Variants in ZNF521 observed in about 807,000 individuals in gnomAD.
The protein encoded by ZNF521 is LYST-interacting protein 3.
Under a neutral mutation model 105.5 loss-of-function variants are expected in ZNF521, and 14 were observed. That is an observed-to-expected ratio of 0.13 (90% CI 0.09 to 0.21). The LOEUF is 0.21. ZNF521 is among the 10% of genes least tolerant of loss of function. The pLI is 1.00. For missense variants in ZNF521, 1,233 were observed against 1,629.7 expected, an observed-to-expected ratio of 0.76 and a Z score of 4.19; for synonymous variants, 635 against 606.0, an observed-to-expected ratio of 1.05 and a Z score of -0.70.
chr18:25,105,974 C>T (rs934662221), intron 5 of ZNF521, among the ~76,000 whole-genome samples: 1 of 151,642 alleles, frequency 6.6e-6, no homozygotes, highest in African/African-American at 2.4e-5. Flanking sequence ...ATTTTAGGGC[C>T]CTTTTAAGGT....
intron 2 of ZNF521, among the ~76,000 whole-genome samples, chr18:25,336,660 T>C (rs941455991): frequency 1.3e-5 from 2 of 152,210 alleles, no homozygotes; most frequent in African/African-American, 4.8e-5. Context: ...TGAAGGTACC[T>C]GTCGTGGCAG....
chr18:25,266,124 A>T (rs1909234092), intron 3 of ZNF521, among the ~76,000 whole-genome samples: 1 of 152,210 alleles, frequency 6.6e-6, no homozygotes, highest in African/African-American at 2.4e-5. Flanking sequence ...AGTATTTGAT[A>T]GCATAACAGG....
intron 3 of ZNF521, among the ~76,000 whole-genome samples, chr18:25,293,828 G>A (rs560130370): frequency 6.6e-6 from 1 of 152,044 alleles, no homozygotes; most frequent in Non-Finnish European, 1.5e-5. Flanking sequence ...TTTTATGACT[G>A]TTTCATAATT....
At chr18:25,105,873 C>T (rs138923445) in intron 5 of ZNF521, among the ~76,000 whole-genome samples, 20 of 152,132 alleles carry the variant, frequency 1.3e-4, no homozygotes, top group Non-Finnish European at 1.8e-4. Flanking sequence ...GTGTTGATAA[C>T]GTATGTTTAG....
intron 3 of ZNF521, among the ~76,000 whole-genome samples, chr18:25,305,022 AAT>A (rs1219323702): frequency 1.3e-5 from 2 of 152,164 alleles, no homozygotes; most frequent in African/African-American, 4.8e-5. Flanking sequence ...TATGTTCTTT[AAT>A]ATGTTTGATG....
intron 2 of ZNF521, among the ~76,000 whole-genome samples, chr18:25,343,883 ATTTG>A (rs1257572231): frequency 5.3e-5 from 8 of 152,164 alleles, no homozygotes; most frequent in Non-Finnish European, 1.2e-4. Flanking sequence ...TGGAATCTAA[ATTTG>A]TTTAATGACC....
At chr18:25,111,153 A>G (rs989731249) in intron 5 of ZNF521, among the ~76,000 whole-genome samples, 1 of 151,968 alleles carries the variant, frequency 6.6e-6, no homozygotes, top group African/African-American at 2.4e-5. Context: ...CTTCCTCCCT[A>G]GGCAGTCTAC....
At chr18:25,254,228 TC>T (rs1330505338) in intron 3 of ZNF521, among the ~76,000 whole-genome samples, 1 of 152,070 alleles carries the variant, frequency 6.6e-6, no homozygotes, top group Non-Finnish European at 1.5e-5. Flanking sequence ...GCAATAAAAA[TC>T]AATGAAGCAA....
intron 3 of ZNF521, among the ~76,000 whole-genome samples, chr18:25,228,611 A>C (rs1280737971): frequency 6.6e-6 from 1 of 152,234 alleles, no homozygotes; most frequent in Non-Finnish European, 1.5e-5. Flanking sequence ...GCAGAGACAA[A>C]GCAACTTGTG....
In ZNF521 at chr18:25,304,624, T is replaced by C. The variant is rs1452321708; in HGVS notation, c.220+17384A>G. Among the ~76,000 whole-genome samples the C allele has an allele frequency of 2.6e-5, 4 of 152,132 alleles. No individual in the cohort carries two copies. In the East Asian group the frequency reaches 7.7e-4, roughly 29 times the overall value. On this transcript the variant is annotated intron_variant, in intron 3 of 7. Transcript: ENST00000361524. ...CGGGGTCTTTTTACCCATCTGCAAT[T>C]TTCTACCCTGAACGCCTGCCTATCC...
At chr18:25,350,778 C>G (rs1486305500) in intron 2 of ZNF521, 129 bp downstream of exon 2, 7 of 927,144 alleles carry the variant, frequency 7.6e-6, no homozygotes, top group East Asian at 6.9e-5. Flanking sequence ...GGGAGGGGAG[C>G]GCGCGCGCCC....
At chr18:25,200,267 A>ACTGT (rs2035970312) in intron 4 of ZNF521, among the ~76,000 whole-genome samples, 1 of 152,170 alleles carries the variant, frequency 6.6e-6, no homozygotes, top group Non-Finnish European at 1.5e-5. Context: ...GAGCGAAGGA[A>ACTGT]CTGTCGGTAG....
chr18:25,164,148 C>CA (rs2035297272), intron 5 of ZNF521, among the ~76,000 whole-genome samples: 1 of 152,294 alleles, frequency 6.6e-6, no homozygotes, highest in East Asian at 1.9e-4. Flanking sequence ...GTATCCCCCC[C>CA]ACTTCCCTGC....
intron 3 of ZNF521, among the ~76,000 whole-genome samples, chr18:25,254,952 C>T (rs1908377432): frequency 6.6e-6 from 1 of 152,024 alleles, no homozygotes; most frequent in African/African-American, 2.4e-5. Context: ...TGAGTTAAGC[C>T]AGAAGTACAA....
At chr18:25,089,248 G>T (rs1236235456) in intron 7 of ZNF521, among the ~76,000 whole-genome samples, 4 of 152,176 alleles carry the variant, frequency 2.6e-5, no homozygotes, top group African/African-American at 4.8e-5. Context: ...TCCAATTATA[G>T]GTCTGTTCTA....
At chr18:25,087,923 T>A (rs1390230757) in intron 7 of ZNF521, among the ~76,000 whole-genome samples, 2 of 152,232 alleles carry the variant, frequency 1.3e-5, no homozygotes, top group Non-Finnish European at 2.9e-5. Context: ...ACTTTTAGAA[T>A]GATAACTGAG....
At chr18:25,326,062 A>AATTTC (rs1913198444) in intron 2 of ZNF521, among the ~76,000 whole-genome samples, 1 of 152,208 alleles carries the variant, frequency 6.6e-6, no homozygotes, top group East Asian at 1.9e-4. Context: ...GATCAGTTTA[A>AATTTC]GGCCAACCAG....
intron 3 of ZNF521, among the ~76,000 whole-genome samples, chr18:25,270,205 C>T (rs983896100): frequency 3.9e-5 from 6 of 152,040 alleles, no homozygotes; most frequent in Non-Finnish European, 5.9e-5. Flanking sequence ...AATTCCGGGA[C>T]ACAAACTAAA....
intron 3 of ZNF521, among the ~76,000 whole-genome samples, chr18:25,252,490 C>T (rs972091666): frequency 1.3e-5 from 2 of 151,624 alleles, no homozygotes; most frequent in Non-Finnish European, 2.9e-5. Flanking sequence ...TAATACTTCA[C>T]GGAAAAATAC....
Sources: gnomAD v4.1 joint callset for allele counts (sites outside exome capture counted in the v4.1 genomes callset) on GRCh38, gnomAD v4.1.1 for gene constraint, MANE v1.5 for transcripts, NCBI Gene and HGNC (gene_info 2026-07-23, HGNC 2026-07-21) for gene names.